Variants in CLSTN2 observed in about 807,000 individuals in gnomAD.
The protein encoded by CLSTN2 is calsyntenin 2.
In CLSTN2, 48 loss-of-function variants were observed where a neutral mutation model predicts 101.2. The observed-to-expected ratio is 0.47, with a 90% CI of 0.38 to 0.60. The LOEUF (loss-of-function observed/expected upper bound fraction) is 0.60, where lower values mean the gene tolerates loss of function less well. Ranked by LOEUF, CLSTN2 falls within the 20% of genes least tolerant of loss-of-function variation. CLSTN2 has a pLI of 0.00. For missense variants in CLSTN2, 1,160 were observed against 1,238.2 expected (o/e 0.94, Z 0.95); for synonymous variants, 481 against 463.6 (o/e 1.04, Z -0.48).
chr3:140,137,472 C>A (rs143625191), intron 1 of CLSTN2, among the ~76,000 whole-genome samples: 2 of 152,218 alleles, frequency 1.3e-5, no homozygotes, highest in East Asian at 3.9e-4. Context: ...TCGCTCTGTG[C>A]TTATTTCCCA....
chr3:140,415,745 T>C (rs185086546), intron 4 of CLSTN2, among the ~76,000 whole-genome samples: 79 of 152,286 alleles, frequency 5.2e-4, no homozygotes, highest in African/African-American at 1.8e-3. Flanking sequence ...TTGTAGACTG[T>C]TGGTGAAAAT....
At chr3:140,504,350 A>G (rs1282164845) in intron 8 of CLSTN2, among the ~76,000 whole-genome samples, 1 of 151,846 alleles carries the variant, frequency 6.6e-6, no homozygotes, top group Non-Finnish European at 1.5e-5. Flanking sequence ...GATTCAAGGA[A>G]TATTTTTCTC....
At chr3:140,410,410 GC>G (rs2088350164) in intron 4 of CLSTN2, among the ~76,000 whole-genome samples, 1 of 78,724 alleles carries the variant, frequency 1.3e-5, no homozygotes, top group Non-Finnish European at 3.1e-5. Context: ...GAAATAAAAA[GC>G]AAAAAAAAAA....
chr3:140,276,495 C>T (rs568172575), intron 2 of CLSTN2, among the ~76,000 whole-genome samples: 23 of 152,230 alleles, frequency 1.5e-4, no homozygotes, highest in African/African-American at 5.5e-4. Context: ...TCTCTTGAGA[C>T]TAGGAATTGA....
intron 5 of CLSTN2, among the ~76,000 whole-genome samples, chr3:140,443,900 C>T (rs188143475): frequency 3.5e-4 from 54 of 152,276 alleles, no homozygotes; most frequent in Admixed American, 1.5e-3. Context: ...TCACATGACT[C>T]GCATTTGGCA....
intron 9 of CLSTN2, among the ~76,000 whole-genome samples, chr3:140,536,417 G>C (rs1161139439): frequency 6.6e-6 from 1 of 152,096 alleles, no homozygotes; most frequent in Non-Finnish European, 1.5e-5. Flanking sequence ...CAAGACCATA[G>C]CATGATCTAG....
intron 2 of CLSTN2, among the ~76,000 whole-genome samples, chr3:140,376,142 T>A (rs7618673): frequency 2.0e-5 from 3 of 151,986 alleles, no homozygotes; most frequent in Non-Finnish European, 4.4e-5. Context: ...ACCTAACCAC[T>A]GAACTCAAGT....
intron 10 of CLSTN2, among the ~76,000 whole-genome samples, chr3:140,547,632 T>C (rs1159577717): frequency 1.3e-5 from 2 of 152,124 alleles, no homozygotes; most frequent in Admixed American, 1.3e-4. Flanking sequence ...GAGAAGCTCC[T>C]CCCAAAGAGG....
intron 2 of CLSTN2, among the ~76,000 whole-genome samples, chr3:140,309,784 G>A (rs868828511): frequency 6.6e-6 from 1 of 151,942 alleles, no homozygotes. Flanking sequence ...TGGGGCCTTC[G>A]TGTCCTTATG....
In CLSTN2 at chr3:140,471,415, C is replaced by T. The variant is rs548720275; in HGVS notation, c.1344+4684C>T. ...GTGACAGCCTCAATTGACCAGCAAG[C>T]GCACAGGTACCCCCAGCTCACATAA... On this transcript the variant is annotated intron_variant, in intron 8 of 16. Coordinates refer to ENST00000458420, the MANE Select transcript of CLSTN2 (RefSeq NM_022131.3). 6.6e-4 allele frequency among the ~76,000 whole-genome samples: 100 copies of T among 152,232 alleles called. 1 individual carries two copies. The South Asian group carries it at 0.02, about 30-fold the overall frequency.
Position 140,566,389 on chromosome 3 carries a change from C to A in CLSTN2, c.*136C>A, listed in dbSNP as rs922407000. ...CCTTCTCCAGCTTCCTGGAGCCCAC[C>A]CTTTAAGCCTTGGGCACTCCCTGTG... On this transcript the variant is annotated 3_prime_UTR_variant, in exon 17 of 17. Transcript: ENST00000458420. 6 of 849,968 alleles carry A rather than the reference C, an allele frequency of 7.1e-6. No individual in the cohort carries two copies. The highest frequency in any genetic ancestry group is 9.3e-6 in the Non-Finnish European group (5 of 537,392). The allele number at this position is 849,968 out of a possible 1,614,324, so 52.7% of individuals were successfully genotyped here.
At chr3:140,385,045 G>C (rs1414377503) in intron 2 of CLSTN2, among the ~76,000 whole-genome samples, 1 of 152,306 alleles carries the variant, frequency 6.6e-6, no homozygotes, top group East Asian at 1.9e-4. Context: ...AACTCATCCA[G>C]TTGCTCTGTG....
At chr3:140,501,289 T>G (rs1409706273) in intron 8 of CLSTN2, among the ~76,000 whole-genome samples, 2 of 152,238 alleles carry the variant, frequency 1.3e-5, no homozygotes, top group Non-Finnish European at 2.9e-5. Context: ...AAAGCAGCCC[T>G]GGTCACTCTA....
rs1417661172 is a variant in CLSTN2, at chr3:140,558,837, C to A, written c.2021C>A (p.Pro674His). Residue 674 changes from proline to histidine, a missense_variant, in exon 12 of 17, where the codon CCC (proline) becomes CAC (histidine). Coordinates refer to ENST00000458420, the MANE Select transcript of CLSTN2 (RefSeq NM_022131.3). ...IVSTFAKTEA[P>H]GDVKTTDPKS... ...AGCACCTTCGCCAAAACCGAAGCCC[C>A]CGGGGACGTGAAAACCACAGGTACA... 5 of 1,613,736 alleles carry A rather than the reference C, an allele frequency of 3.1e-6. No individual in the cohort carries two copies. The highest frequency in any genetic ancestry group is 1.3e-5 in the African/African-American group (1 of 74,878).
At chr3:140,005,313 T>G (rs992107901) in intron 1 of CLSTN2, among the ~76,000 whole-genome samples, 8 of 152,228 alleles carry the variant, frequency 5.3e-5, no homozygotes, top group African/African-American at 1.9e-4. Flanking sequence ...TCTTCCACGC[T>G]TGTGTTGTAA....
intron 1 of CLSTN2, among the ~76,000 whole-genome samples, chr3:139,992,579 C>G (rs1463809583): frequency 6.6e-6 from 1 of 152,194 alleles, no homozygotes; most frequent in South Asian, 2.1e-4. Context: ...TATTGAGCAC[C>G]TATTATGTGT....
chr3:139,952,064 A>T (rs910871309), intron 1 of CLSTN2, among the ~76,000 whole-genome samples: 1 of 152,170 alleles, frequency 6.6e-6, no homozygotes, highest in Admixed American at 6.5e-5. Context: ...ATGAAAATGC[A>T]TTTTAATATT....
At chr3:140,089,480 G>A (rs939929684) in intron 1 of CLSTN2, among the ~76,000 whole-genome samples, 1 of 152,072 alleles carries the variant, frequency 6.6e-6, no homozygotes, top group Non-Finnish European at 1.5e-5. Flanking sequence ...AGTGGAAAAG[G>A]GGACCTATTA....
intron 1 of CLSTN2, among the ~76,000 whole-genome samples, chr3:140,060,018 C>T (rs1250820820): frequency 1.3e-5 from 2 of 152,166 alleles, no homozygotes; most frequent in Non-Finnish European, 1.5e-5. Context: ...ATTGCTTAAT[C>T]TCTCTGGGCC....
Sources: gnomAD v4.1 joint callset for allele counts (sites outside exome capture counted in the v4.1 genomes callset) on GRCh38, gnomAD v4.1.1 for gene constraint, MANE v1.5 for transcripts, NCBI Gene and HGNC (gene_info 2026-07-23, HGNC 2026-07-21) for gene names.